The following CHD2 variants were observed in gnomAD, a reference collection of about 807,000 sequenced individuals.
CHD2 encodes ATP-dependent chromatin remodeler CHD2.
In CHD2, 28 loss-of-function variants were observed where a neutral mutation model predicts 243.9. The ratio of observed to expected loss-of-function variants is 0.11; its 90% CI spans 0.09 to 0.16. The LOEUF (loss-of-function observed/expected upper bound fraction) is 0.16. CHD2 is among the 10% of genes least tolerant of loss of function. The probability of loss-of-function intolerance (pLI) is 1.00; values close to 1 mark genes in which losing one functional copy is unlikely to be tolerated. For synonymous variants in CHD2, 775 were observed against 779.0 expected, an observed-to-expected ratio of 0.99 and a Z score of 0.09; for missense variants, 1,386 against 2,209.8, an observed-to-expected ratio of 0.63 and a Z score of 7.47.
intron 33 of CHD2, 127 bp from the exon 34 acceptor site, chr15:93,004,490 A>G (rs1368226141): frequency 9.1e-6 from 8 of 877,604 alleles, no homozygotes; most frequent in Middle Eastern, 7.4e-4. Context: ...ATTTTATTTT[A>G]CTTTTTAAAA....
chr15:92,908,102 G>A (rs117258744), intron 2 of CHD2, among the ~76,000 whole-genome samples: 3 of 146,046 alleles, frequency 2.1e-5, no homozygotes, highest in Admixed American at 7.1e-5. Flanking sequence ...ATCACAGCCC[G>A]GCTTTTGCCA....
intron 16 of CHD2, among the ~76,000 whole-genome samples, chr15:92,963,739 G>A (rs1031058473): frequency 2.6e-5 from 4 of 152,142 alleles, no homozygotes; most frequent in Non-Finnish European, 4.4e-5. Context: ...GTAGATAGAC[G>A]AAGATCAATA....
At chr15:93,003,308 A>G (rs909821343) in intron 33 of CHD2, among the ~76,000 whole-genome samples, 12 of 136,138 alleles carry the variant, frequency 8.8e-5, no homozygotes, top group African/African-American at 3.1e-4. Flanking sequence ...AAAAAAAATC[A>G]TTTTTAATAG....
intron 5 of CHD2, among the ~76,000 whole-genome samples, chr15:92,932,752 A>G (rs2053195173): frequency 6.6e-6 from 1 of 151,878 alleles, no homozygotes; most frequent in East Asian, 1.9e-4. Context: ...CCCCGTCACG[A>G]TTTGTATTAG....
At position 93,027,976 on chromosome 15, in the gene CHD2, T is replaced by C. The variant is rs1329005067; in HGVS notation, c.*3271T>C. 1.3e-5 allele frequency: 2 copies of C among 152,660 alleles called. No homozygotes were observed. Among genetic ancestry groups the C allele is most frequent in the African/African-American group, 4.8e-5 (2 of 41,458 alleles). 9.5% of individuals were successfully genotyped at this position (152,660 alleles called of 1,614,324 possible). ...CTTTTGATTCTTGTATATTAAAAAG[T>C]GTTACTGAGCATTTTTAGAATTGGG... On this transcript the variant is annotated 3_prime_UTR_variant, in exon 39 of 39. Coordinates refer to ENST00000394196, the MANE Select transcript of CHD2 (RefSeq NM_001271.4).
intron 2 of CHD2, 98 bp downstream of exon 2, chr15:92,901,397 T>C: frequency 2.7e-6 from 2 of 736,328 alleles, no homozygotes; most frequent in East Asian, 5.5e-5. Context: ...TGCTGTCTGT[T>C]TTATTGTGTT....
At chr15:92,946,000 A>G (rs747575086) in intron 11 of CHD2, 38 bp from the exon 12 acceptor site, 2 of 1,527,404 alleles carry the variant, frequency 1.3e-6, no homozygotes, top group Non-Finnish European at 1.8e-6. Flanking sequence ...CTTTTAATTG[A>G]CAGTTGCTAA....
chr15:92,968,966 C>T (rs2053803607), intron 17 of CHD2, among the ~76,000 whole-genome samples: 1 of 152,196 alleles, frequency 6.6e-6, no homozygotes, highest in African/African-American at 2.4e-5. Flanking sequence ...TTGTACATTT[C>T]CTGCCCCAGA....
intron 12 of CHD2, 33 bp from the exon 13 acceptor site, chr15:92,948,919 A>C: frequency 2.5e-6 from 4 of 1,600,090 alleles, no homozygotes; most frequent in Non-Finnish European, 3.4e-6. Flanking sequence ...AGCAGTAAGA[A>C]CATTTTCTCA....
intron 28 of CHD2, among the ~76,000 whole-genome samples, chr15:92,994,825 T>G (rs2054166951): frequency 6.6e-6 from 1 of 152,144 alleles, no homozygotes; most frequent in South Asian, 2.1e-4. Flanking sequence ...AAAGTCTCCC[T>G]TTTTTTTGTG....
intron 5 of CHD2, 58 bp from the exon 6 acceptor site, chr15:92,937,460 T>G: frequency 7.7e-7 from 1 of 1,302,610 alleles, no homozygotes; most frequent in East Asian, 2.5e-5. Flanking sequence ...TTTGTCGGAT[T>G]ATTTATCTTG....
intron 36 of CHD2, among the ~76,000 whole-genome samples, chr15:93,014,417 C>T (rs1224528366): frequency 6.6e-6 from 1 of 152,190 alleles, no homozygotes; most frequent in Non-Finnish European, 1.5e-5. Context: ...GCCTGGGCGC[C>T]TACACCATAC....
chr15:92,951,524 G>A lies in CHD2; in HGVS notation c.1503-1833G>A, dbSNP rs143236361. 3.3e-3 allele frequency among the ~76,000 whole-genome samples: 503 copies of A among 152,262 alleles called. 4 individuals are homozygous for A. Among genetic ancestry groups the A allele is most frequent in the African/African-American group, 0.011 (477 of 41,532 alleles). ...TAAAAATCAGTTGAAAAGGGCTCAA[G>A]CACCTGTTAAGCCCTGGTCACAGGA... On this transcript the variant is annotated intron_variant, in intron 13 of 38. Transcript: ENST00000394196.
intron 2 of CHD2, among the ~76,000 whole-genome samples, chr15:92,918,440 A>G (rs972832289): frequency 6.6e-6 from 1 of 152,220 alleles, no homozygotes; most frequent in South Asian, 2.1e-4. Flanking sequence ...AATAATTTTC[A>G]GATAGTTGTT....
intron 34 of CHD2, among the ~76,000 whole-genome samples, chr15:93,007,845 A>C (rs1464394719): frequency 1.3e-5 from 2 of 152,112 alleles, no homozygotes; most frequent in Non-Finnish European, 2.9e-5. Flanking sequence ...ACTTTGTTTC[A>C]CATTATTTCT....
intron 5 of CHD2, among the ~76,000 whole-genome samples, chr15:92,931,346 G>C (rs2053162833): frequency 6.6e-6 from 1 of 152,148 alleles, no homozygotes. Context: ...ACTTTACCCA[G>C]ATTACCATTT....
chr15:92,940,272 G>A (rs2053338202), intron 7 of CHD2, among the ~76,000 whole-genome samples: 1 of 152,186 alleles, frequency 6.6e-6, no homozygotes, highest in Middle Eastern at 3.4e-3. Context: ...TAGACAACAG[G>A]GCGAGACCCT....
At chr15:92,949,381 A>G (rs552815442) in intron 13 of CHD2, 9 of 375,330 alleles carry the variant, frequency 2.4e-5, no homozygotes, top group Admixed American at 5.3e-5. Flanking sequence ...AAGTTAAGTC[A>G]CTCAAATCTT....
At chr15:92,984,601 A>C in intron 25 of CHD2, 101 bp downstream of exon 25, 1 of 1,159,938 alleles carries the variant, frequency 8.6e-7, no homozygotes, top group Non-Finnish European at 1.2e-6. Context: ...TTCCCCTGAC[A>C]CAGAGGCTTC....
Sources: allele counts gnomAD v4.1 joint callset (sites outside exome capture counted in the v4.1 genomes callset), GRCh38; gene constraint gnomAD v4.1.1; transcripts MANE v1.5; gene names NCBI Gene and HGNC (gene_info 2026-07-23, HGNC 2026-07-21).